LNX1: variants seen among roughly 807,000 people sequenced by gnomAD.
The protein encoded by LNX1 is ligand of numb-protein X 1.
LNX1 carries 54 observed loss-of-function variants against 68.4 expected under a neutral mutation model. That is an observed-to-expected ratio of 0.79 (90% confidence interval 0.63 to 0.99). The LOEUF is 0.99. Ranked by LOEUF, LNX1 falls within the 50% of genes least tolerant of loss-of-function variation. LNX1 has a pLI of 0.00. For missense variants in LNX1, 906 were observed against 926.4 expected (o/e 0.98, Z 0.29); for synonymous variants, 336 against 350.0 (o/e 0.96, Z 0.45).
rs764168308 is a variant in LNX1, at chr4:53,481,724, G to T, written c.1481C>A (p.Pro494His). Residue 494 changes from proline to histidine, a missense_variant, in exon 7 of 11, where the codon CCC (proline) becomes CAC (histidine). By Grantham distance (77) the Pro-to-His change is moderately conservative. Transcript: ENST00000263925. ...SPGPGERSNTPKPLHPTITCH... is the reference protein window; with the variant it reads ...SPGPGERSNTHKPLHPTITCH... ...GACCTGCCCTAGAGGCCTCACCTTG[G>T]GAGTGTTGCTCCTCTCCCCTGGCCC... The T allele has an allele frequency of 6.2e-7, 1 of 1,613,496 alleles. No homozygotes were observed. The highest frequency in any genetic ancestry group is 1.1e-5 in the South Asian group (1 of 91,018).
At chr4:53,465,370 T>G (rs1722597145) in intron 9 of LNX1, among the ~76,000 whole-genome samples, 1 of 152,176 alleles carries the variant, frequency 6.6e-6, no homozygotes, top group Non-Finnish European at 1.5e-5. Context: ...GAGAATAAAC[T>G]AGTAAACTAG....
intron 1 of LNX1, among the ~76,000 whole-genome samples, chr4:53,647,726 A>G (rs1734942638): frequency 6.6e-6 from 1 of 152,248 alleles, no homozygotes; most frequent in Admixed American, 6.5e-5. Flanking sequence ...TAGATCTTGC[A>G]AAACTGAAAC....
At chr4:53,579,427 A>G (rs1323266665) in intron 1 of LNX1, among the ~76,000 whole-genome samples, 1 of 152,152 alleles carries the variant, frequency 6.6e-6, no homozygotes, top group Non-Finnish European at 1.5e-5. Flanking sequence ...CCAGAAAAAT[A>G]AAAACCCCCA....
chr4:53,522,406 C>T (rs1357858749), intron 2 of LNX1, among the ~76,000 whole-genome samples: 2 of 152,226 alleles, frequency 1.3e-5, no homozygotes, highest in East Asian at 1.9e-4. Context: ...AGGCTTGGTG[C>T]TCCTATGACT....
chr4:53,527,071 A>AAAG (rs776981300), intron 2 of LNX1, among the ~76,000 whole-genome samples: 3 of 151,072 alleles, frequency 2.0e-5, no homozygotes, highest in Non-Finnish European at 3.0e-5. Context: ...AAAAAAAAAA[A>AAAG]ACTAGAAGAA....
intron 1 of LNX1, among the ~76,000 whole-genome samples, chr4:53,581,098 C>T (rs1050116772): frequency 6.6e-6 from 1 of 152,034 alleles, no homozygotes; most frequent in Non-Finnish European, 1.5e-5. Flanking sequence ...CACCCCACCC[C>T]CAAAAGATGC....
intron 2 of LNX1, among the ~76,000 whole-genome samples, chr4:53,554,600 TC>T (rs1453874618): frequency 1.3e-5 from 2 of 152,204 alleles, no homozygotes; most frequent in Non-Finnish European, 2.9e-5. Flanking sequence ...ACGCCTGTAA[TC>T]CCAGCACTTT....
chr4:53,571,043 A>G (rs1484141919), intron 2 of LNX1, among the ~76,000 whole-genome samples: 7 of 151,062 alleles, frequency 4.6e-5, no homozygotes, highest in Admixed American at 2.0e-4. Flanking sequence ...AAAAAAAAGA[A>G]TCTTTTTTTT....
At chr4:53,517,497 A>T (rs1336062015) in intron 2 of LNX1, among the ~76,000 whole-genome samples, 1 of 152,150 alleles carries the variant, frequency 6.6e-6, no homozygotes, top group Non-Finnish European at 1.5e-5. Context: ...TAACAATAAT[A>T]CAACTTCTAT....
intron 2 of LNX1, among the ~76,000 whole-genome samples, chr4:53,544,387 G>A (rs1416604397): frequency 2.6e-5 from 4 of 152,084 alleles, no homozygotes; most frequent in African/African-American, 7.2e-5. Context: ...TAAAGACAGG[G>A]TTTCACTGTG....
chr4:53,582,381 G>A (rs1731888705), intron 1 of LNX1, among the ~76,000 whole-genome samples: 1 of 152,132 alleles, frequency 6.6e-6, no homozygotes, highest in Non-Finnish European at 1.5e-5. Context: ...GTAACCTAGG[G>A]CCAGGTCTCA....
At chr4:53,566,908 A>G (rs1363115423) in intron 2 of LNX1, among the ~76,000 whole-genome samples, 1 of 152,200 alleles carries the variant, frequency 6.6e-6, no homozygotes, top group South Asian at 2.1e-4. Flanking sequence ...AGGCCATTAC[A>G]TAATGGTAAA....
At chr4:53,643,883 C>T in intron 1 of LNX1, among the ~76,000 whole-genome samples, 1 of 152,152 alleles carries the variant, frequency 6.6e-6, no homozygotes, top group South Asian at 2.1e-4. Flanking sequence ...CAGTAAGTGA[C>T]AGTGATTATT....
At chr4:53,631,520 C>T (rs1734270459) in intron 1 of LNX1, among the ~76,000 whole-genome samples, 2 of 152,104 alleles carry the variant, frequency 1.3e-5, no homozygotes, top group South Asian at 4.2e-4. Context: ...AATATAATTC[C>T]AAATCTCCCT....
chr4:53,489,011 G>A (rs1202232304), intron 6 of LNX1, among the ~76,000 whole-genome samples: 2 of 152,256 alleles, frequency 1.3e-5, no homozygotes, highest in South Asian at 2.1e-4. Context: ...ATGAATTAAT[G>A]GTGTACTATA....
upstream of LNX1, among the ~76,000 whole-genome samples, chr4:53,618,954 G>A (rs1444812694): frequency 6.6e-6 from 1 of 151,930 alleles, no homozygotes; most frequent in African/African-American, 2.4e-5. Context: ...GTCTTGCTAT[G>A]TTACGCAGGG....
rs1577666890 is a variant in LNX1, at chr4:53,529,136, A to ACACACACACAC, written c.381-20910_381-20909insGTGTGTGTGTG. Among the ~76,000 whole-genome samples, 34 of 50,906 alleles carry ACACACACACAC rather than the reference A, an allele frequency of 6.7e-4. No individual in the cohort carries two copies. The East Asian group carries it at 0.016, about 24-fold the overall frequency. 33.4% of individuals were successfully genotyped at this position (50,906 alleles called of 152,430 possible). A position where few individuals can be genotyped will look rare whatever the true frequency, so the allele number is the denominator to read the frequency against. On this transcript the variant is annotated intron_variant, in intron 2 of 10. Coordinates refer to ENST00000263925, the MANE Select transcript of LNX1 (RefSeq NM_001126328.3). ...ACACACACACACACACACACACACA[A>ACACACACACAC]ACACATGCACACACAGAAAACAACA... is the stretch of plus-strand genomic sequence containing the variant.
intron 2 of LNX1, among the ~76,000 whole-genome samples, chr4:53,612,373 A>T (rs1198117862): frequency 6.6e-6 from 1 of 152,124 alleles, no homozygotes; most frequent in Non-Finnish European, 1.5e-5. Flanking sequence ...CCTTCCTCAG[A>T]CTCTAATAGA....
At chr4:53,575,775 A>C (rs1731445633) in intron 1 of LNX1, 1 of 1,567,414 alleles carries the variant, frequency 6.4e-7, no homozygotes. Context: ...ACAGTGGCCG[A>C]GTGAGTTTCT....
Sources: allele counts gnomAD v4.1 joint callset (sites outside exome capture counted in the v4.1 genomes callset), GRCh38; gene constraint gnomAD v4.1.1; transcripts MANE v1.5; gene names NCBI Gene and HGNC (gene_info 2026-07-23, HGNC 2026-07-21).